Variants in U2SURP observed in about 807,000 individuals in gnomAD.
The protein encoded by U2SURP is U2 snRNP associated SURP domain containing, also known as U2 snRNP-associated SURP motif-containing protein.
U2SURP carries 9 observed loss-of-function variants against 144.9 expected under a neutral mutation model. That is an observed-to-expected ratio of 0.06 (90% CI 0.04 to 0.11). The LOEUF (loss-of-function observed/expected upper bound fraction) is 0.11, where lower values mean the gene tolerates loss of function less well. Among genes scored for constraint, U2SURP ranks in the 10% least tolerant of loss-of-function variants. The pLI is 1.00. For missense variants in U2SURP, 724 were observed against 1,226.7 expected (o/e 0.59, Z 6.12); for synonymous variants, 408 against 396.8 (o/e 1.03, Z -0.33).
In U2SURP at chr3:143,038,971, A is replaced by G. The variant is rs866083349; in HGVS notation, c.2384+11A>G. 4 of 1,494,386 alleles carry G rather than the reference A, an allele frequency of 2.7e-6. No homozygotes were observed. The highest frequency in any genetic ancestry group is 5.0e-5 in the East Asian group (2 of 39,948). The allele number at this position is 1,494,386 out of a possible 1,614,324, so 92.6% of individuals were successfully genotyped here. A position where few individuals can be genotyped will look rare whatever the true frequency, so the allele number is the denominator to read the frequency against. On this transcript the variant is annotated intron_variant, in intron 23 of 27. Coordinates refer to ENST00000473835, the MANE Select transcript of U2SURP (RefSeq NM_001080415.2). ...AGAAGAAAATCAAAAGTAAGAATCT[A>G]AGTTTTGAATATACTGTTTCTTGTT...
rs955589560 is a variant in U2SURP, at chr3:143,001,614, G to A, written c.-15G>A. 6.2e-7 allele frequency: 1 copy of A among 1,613,864 alleles called. No homozygotes were observed. Among genetic ancestry groups the A allele is most frequent in the Non-Finnish European group, 8.5e-7 (1 of 1,179,848 alleles). ...CCGTGCTGCTGCCGCCGCCGAAGGA[G>A]GGGCAAAGCTCAAGATGGCGGACAA... On this transcript the variant is annotated 5_prime_UTR_variant, in exon 1 of 28. Transcript: ENST00000473835.
intron 16 of U2SURP, among the ~76,000 whole-genome samples, chr3:143,030,675 A>G (rs879793105): frequency 3.9e-5 from 6 of 152,146 alleles, no homozygotes; most frequent in Admixed American, 2.0e-4. Context: ...TGGCTGCCAT[A>G]GATAGTGATT....
intron 13 of U2SURP, chr3:143,024,597 C>T: frequency 5.0e-6 from 2 of 402,360 alleles, no homozygotes; most frequent in Non-Finnish European, 9.7e-6. Flanking sequence ...TCTCTTTCAA[C>T]ACACTATTAA....
intron 1 of U2SURP, among the ~76,000 whole-genome samples, chr3:143,007,444 A>ATT (rs397877854): frequency 0.13 from 14,809 of 118,176 alleles, 1,250 homozygotes; most frequent in East Asian, 0.22. Context: ...CTTTCAAGAG[A>ATT]TTTTTTTTTT....
chr3:143,054,929 G>A lies in U2SURP; in HGVS notation c.2775-14G>A. 4 of 1,576,902 alleles carry A rather than the reference G, an allele frequency of 2.5e-6. No homozygotes were observed. Among genetic ancestry groups the A allele is most frequent in the South Asian group, 1.2e-5 (1 of 83,708 alleles). On this transcript the variant is annotated splice_polypyrimidine_tract_variant and intron_variant, in intron 26 of 27. Coordinates refer to ENST00000473835, the MANE Select transcript of U2SURP (RefSeq NM_001080415.2). ...TGCTCATTTATGGAATGTTTTGGGG[G>A]CTTTGTTCCATAGGAAGAGGCGACA...
intron 13 of U2SURP, 48 bp downstream of exon 13, chr3:143,024,066 C>A: frequency 6.6e-7 from 1 of 1,509,610 alleles, no homozygotes; most frequent in Non-Finnish European, 9.2e-7. Flanking sequence ...GACAATATCC[C>A]CTTCTGAATT....
chr3:143,030,170 G>A (rs558654529), intron 16 of U2SURP, among the ~76,000 whole-genome samples: 70 of 152,352 alleles, frequency 4.6e-4, no homozygotes, highest in Non-Finnish European at 7.8e-4. Flanking sequence ...TGTAGACAAA[G>A]CAGCCTTTTA....
At chr3:143,040,488 T>A (rs1934046828) in intron 23 of U2SURP, among the ~76,000 whole-genome samples, 1 of 151,920 alleles carries the variant, frequency 6.6e-6, no homozygotes, top group Non-Finnish European at 1.5e-5. Flanking sequence ...TCTTTTTACT[T>A]AAGGCTGATT....
chr3:143,055,242 G>T, intron 27 of U2SURP, 123 bp downstream of exon 27: 1 of 845,500 alleles, frequency 1.2e-6, no homozygotes, highest in Admixed American at 3.3e-5. Context: ...GAAAACCAAA[G>T]AGATACACTT....
At chr3:143,045,323 C>T (rs972504457) in intron 24 of U2SURP, among the ~76,000 whole-genome samples, 18 of 137,492 alleles carry the variant, frequency 1.3e-4, no homozygotes, top group African/African-American at 4.1e-4. Context: ...GAGCCAAGAT[C>T]ATGCCACTGC....
intron 8 of U2SURP, 86 bp from the exon 9 acceptor site, chr3:143,021,264 A>G: frequency 7.0e-7 from 1 of 1,425,238 alleles, no homozygotes; most frequent in Non-Finnish European, 9.6e-7. Context: ...ACCTTACTGT[A>G]ACAAACTGGG....
intron 18 of U2SURP, chr3:143,034,574 CT>C (rs1278048537): frequency 5.8e-6 from 1 of 171,558 alleles, no homozygotes; most frequent in African/African-American, 2.4e-5. Flanking sequence ...GGACGAGTCA[CT>C]TTTCTAAGTT....
intron 24 of U2SURP, among the ~76,000 whole-genome samples, chr3:143,050,470 C>T (rs565240585): frequency 2.0e-5 from 3 of 152,290 alleles, no homozygotes; most frequent in African/African-American, 7.2e-5. Flanking sequence ...GGTGATTGCA[C>T]TGTGAGTGAA....
intron 15 of U2SURP, 27 bp from the exon 16 acceptor site, chr3:143,028,456 T>G (rs773282841): frequency 1.2e-5 from 19 of 1,603,874 alleles, no homozygotes; most frequent in Middle Eastern, 1.7e-4. Flanking sequence ...TAATTAGACC[T>G]TTATAATAAC....
intron 23 of U2SURP, among the ~76,000 whole-genome samples, chr3:143,039,227 T>A (rs1386319496): frequency 6.6e-6 from 1 of 151,946 alleles, no homozygotes; most frequent in Admixed American, 6.6e-5. Flanking sequence ...ACTGCATTTT[T>A]TTCAAACCTT....
At chr3:143,038,065 A>G (rs11929440) in intron 21 of U2SURP, 43 bp from the exon 22 acceptor site, 320,177 of 1,434,698 alleles carry the variant, frequency 0.22, 38,689 homozygotes, top group Non-Finnish European at 0.24. Context: ...ACTTCGGGTC[A>G]TCCACTAGTA....
At chr3:143,021,706 C>T (rs1003601849) in intron 10 of U2SURP, 151 bp downstream of exon 10, 13 of 698,900 alleles carry the variant, frequency 1.9e-5, no homozygotes, top group African/African-American at 1.4e-4. Context: ...CCCAGGTTGT[C>T]TTGCCACATA....
At chr3:143,035,095 C>A in intron 19 of U2SURP, 120 bp downstream of exon 19, 1 of 476,996 alleles carries the variant, frequency 2.1e-6, no homozygotes, top group South Asian at 7.4e-5. Flanking sequence ...TTAGATGTTA[C>A]AGAAGTTACT....
chr3:143,044,072 A>C (rs781320457), intron 24 of U2SURP, among the ~76,000 whole-genome samples: 63 of 152,024 alleles, frequency 4.1e-4, no homozygotes, highest in Non-Finnish European at 5.3e-4. Context: ...TTTCATCTTG[A>C]GTGTTCATAG....
Sources: allele counts gnomAD v4.1 joint callset (sites outside exome capture counted in the v4.1 genomes callset), GRCh38; gene constraint gnomAD v4.1.1; transcripts MANE v1.5; gene names NCBI Gene and HGNC (gene_info 2026-07-23, HGNC 2026-07-21).